The following GABRB2 variants were observed in gnomAD, a reference collection of about 807,000 sequenced individuals.
GABRB2 encodes gamma-aminobutyric acid receptor subunit beta-2.
In GABRB2, 16 loss-of-function variants were observed where a neutral mutation model predicts 54.7. The ratio of observed to expected loss-of-function variants is 0.29; its 90% CI spans 0.20 to 0.44. The LOEUF is 0.44. GABRB2 is among the 20% of genes least tolerant of loss of function. The probability of loss-of-function intolerance (pLI) is 1.00; values close to 1 mark genes in which losing one functional copy is unlikely to be tolerated. For missense variants in GABRB2, 355 were observed against 644.0 expected (o/e 0.55, Z 4.86); for synonymous variants, 244 against 233.8 (o/e 1.04, Z -0.40).
At chr5:161,500,667 T>C (rs570687985) in intron 3 of GABRB2, among the ~76,000 whole-genome samples, 1 of 152,314 alleles carries the variant, frequency 6.6e-6, no homozygotes, top group South Asian at 2.1e-4. Flanking sequence ...TATTTTTTCT[T>C]TGTGAAAGTA....
intron 3 of GABRB2, among the ~76,000 whole-genome samples, chr5:161,543,228 C>G (rs1244135706): frequency 1.3e-5 from 2 of 152,132 alleles, no homozygotes; most frequent in African/African-American, 4.8e-5. Context: ...GTGATGACAC[C>G]TTGCCTTAAC....
At chr5:161,498,712 G>A (rs1759332116) in intron 3 of GABRB2, among the ~76,000 whole-genome samples, 1 of 152,000 alleles carries the variant, frequency 6.6e-6, no homozygotes, top group South Asian at 2.1e-4. Flanking sequence ...CTGTGCCAAA[G>A]GGTGGAAGTC....
At chr5:161,313,028 C>T (rs988351500) in intron 9 of GABRB2, among the ~76,000 whole-genome samples, 22 of 152,232 alleles carry the variant, frequency 1.4e-4, no homozygotes, top group Admixed American at 7.8e-4. Context: ...TCTACTGCAC[C>T]GGAATGGTTT....
At chr5:161,386,960 G>T (rs1466954779) in intron 5 of GABRB2, among the ~76,000 whole-genome samples, 1 of 152,038 alleles carries the variant, frequency 6.6e-6, no homozygotes, top group African/African-American at 2.4e-5. Flanking sequence ...GGAGGAGGAG[G>T]TACAGAAGAG....
intron 3 of GABRB2, among the ~76,000 whole-genome samples, chr5:161,507,643 A>G (rs1045681241): frequency 3.9e-5 from 6 of 152,060 alleles, no homozygotes; most frequent in East Asian, 3.9e-4. Context: ...CACAACTGCT[A>G]CAACTCAATA....
intron 5 of GABRB2, among the ~76,000 whole-genome samples, chr5:161,363,014 A>G (rs981875747): frequency 6.6e-6 from 1 of 152,182 alleles, no homozygotes; most frequent in Non-Finnish European, 1.5e-5. Flanking sequence ...TTGACCCAGC[A>G]ATCCCATTAC....
At chr5:161,473,917 A>G (rs1027042134) in intron 3 of GABRB2, among the ~76,000 whole-genome samples, 2 of 152,004 alleles carry the variant, frequency 1.3e-5, no homozygotes, top group Non-Finnish European at 2.9e-5. Flanking sequence ...TTCACCAGAC[A>G]TCAGTCTGGT....
intron 8 of GABRB2, 193 bp downstream of exon 8, chr5:161,330,690 C>A: frequency 1.5e-6 from 1 of 687,482 alleles, no homozygotes; most frequent in Non-Finnish European, 2.4e-6. Flanking sequence ...ATGGAAAGGG[C>A]ATCCAAATCT....
chr5:161,356,085 A>C (rs1413055744), intron 5 of GABRB2, among the ~76,000 whole-genome samples: 2 of 152,144 alleles, frequency 1.3e-5, no homozygotes, highest in East Asian at 3.9e-4. Context: ...AATTGAAAAC[A>C]GAATTTAGAG....
intron 5 of GABRB2, among the ~76,000 whole-genome samples, chr5:161,368,894 C>T (rs1755049000): frequency 6.6e-6 from 1 of 152,160 alleles, no homozygotes; most frequent in African/African-American, 2.4e-5. Context: ...GTTACTCAAT[C>T]TTTACTTAAG....
At chr5:161,322,684 CT>C (rs1758246983) in intron 9 of GABRB2, among the ~76,000 whole-genome samples, 1 of 152,002 alleles carries the variant, frequency 6.6e-6, no homozygotes, top group Admixed American at 6.6e-5. Flanking sequence ...ATTTATTATG[CT>C]TCCTCTAAAA....
At chr5:161,538,406 C>T (rs1007342031) in intron 3 of GABRB2, among the ~76,000 whole-genome samples, 10 of 152,074 alleles carry the variant, frequency 6.6e-5, no homozygotes, top group Non-Finnish European at 1.0e-4. Context: ...CAACAAGTGA[C>T]GAAGGAACTT....
chr5:161,355,351 A>G (rs936117819), intron 5 of GABRB2, among the ~76,000 whole-genome samples: 2 of 148,688 alleles, frequency 1.3e-5, no homozygotes, highest in Non-Finnish European at 3.0e-5. Flanking sequence ...TATATATGAT[A>G]TAATATATAC....
chr5:161,354,265 T>C (rs1754554571), intron 5 of GABRB2, among the ~76,000 whole-genome samples: 1 of 152,042 alleles, frequency 6.6e-6, no homozygotes, highest in African/African-American at 2.4e-5. Flanking sequence ...CCTCTATGCA[T>C]AGAGTGAAAC....
intron 9 of GABRB2, among the ~76,000 whole-genome samples, chr5:161,310,473 C>A (rs1321623249): frequency 2.0e-5 from 3 of 152,176 alleles, no homozygotes; most frequent in African/African-American, 7.2e-5. Flanking sequence ...AGATTTCTGG[C>A]TGGCTTGCTT....
intron 5 of GABRB2, among the ~76,000 whole-genome samples, chr5:161,342,827 G>T (rs1384397665): frequency 1.3e-5 from 2 of 152,022 alleles, no homozygotes; most frequent in Non-Finnish European, 2.9e-5. Flanking sequence ...GAAAAAAGTT[G>T]CAATAACATA....
rs772819352 is a variant in GABRB2, at chr5:161,336,816, A to C, written c.542-47T>G. ...CACACACACACAAATACAGAAAACA[A>C]AAAAAAAAAAACAGACAAAACAGAA... is the stretch of plus-strand genomic sequence containing the variant. On this transcript the variant is annotated intron_variant, in intron 5 of 9. Transcript: ENST00000393959. 2.2e-3 allele frequency: 2,925 copies of C among 1,312,930 alleles called. No individual in the cohort carries two copies. Among genetic ancestry groups the C allele is most frequent in the South Asian group, 3.3e-3 (225 of 69,046 alleles). 81.3% of individuals were successfully genotyped at this position (1,312,930 alleles called of 1,614,324 possible).
intron 5 of GABRB2, among the ~76,000 whole-genome samples, chr5:161,339,542 T>C (rs1580897101): frequency 6.7e-6 from 1 of 149,840 alleles, no homozygotes; most frequent in South Asian, 2.1e-4. Context: ...ATAAAAACAC[T>C]GAGAACCACT....
chr5:161,306,150 T>A (rs252974), intron 9 of GABRB2, among the ~76,000 whole-genome samples: 2 of 152,154 alleles, frequency 1.3e-5, no homozygotes, highest in Non-Finnish European at 2.9e-5. Context: ...CAAAAAGTAA[T>A]GAGGATGGGT....
Sources: allele counts gnomAD v4.1 joint callset (sites outside exome capture counted in the v4.1 genomes callset), GRCh38; gene constraint gnomAD v4.1.1; transcripts MANE v1.5; gene names NCBI Gene and HGNC (gene_info 2026-07-23, HGNC 2026-07-21).